The following BSDC1 variants were observed in gnomAD, a reference collection of about 807,000 sequenced individuals.
BSDC1 encodes the protein BSD domain-containing protein 1.
In BSDC1, 29 loss-of-function variants were observed where a neutral mutation model predicts 56.0. That is an observed-to-expected ratio of 0.52 (90% CI 0.39 to 0.71). BSDC1 has a LOEUF of 0.71. Among genes scored for constraint, BSDC1 ranks in the 30% least tolerant of loss-of-function variants. The pLI, the probability that BSDC1 is intolerant of heterozygous loss-of-function variation, is 0.00. For missense variants in BSDC1, 477 were observed against 548.5 expected (o/e 0.87, Z 1.30); for synonymous variants, 210 against 215.3 (o/e 0.98, Z 0.21).
chr1:32,368,643 G>T (rs1641946723), intron 9 of BSDC1, 93 bp from the exon 10 acceptor site: 10 of 1,544,446 alleles, frequency 6.5e-6, no homozygotes, highest in Admixed American at 3.8e-5. Context: ...GCTTCAAAAG[G>T]GTCTCACAAA....
At chr1:32,369,078 T>C (rs1641971172) in intron 9 of BSDC1, 3 of 363,276 alleles carry the variant, frequency 8.3e-6, no homozygotes, top group Middle Eastern at 3.9e-4. Context: ...TGCAGTGCTG[T>C]CATAGTGATG....
At chr1:32,381,141 A>C (rs1642464649) in intron 5 of BSDC1, 73 bp downstream of exon 5, 1 of 1,509,610 alleles carries the variant, frequency 6.6e-7, no homozygotes, top group African/African-American at 1.4e-5. Flanking sequence ...TACCTGAGAC[A>C]AACAGGGTCT....
intron 4 of BSDC1, among the ~76,000 whole-genome samples, chr1:32,381,707 T>C (rs1310181409): frequency 6.6e-6 from 1 of 152,236 alleles, no homozygotes; most frequent in Admixed American, 6.5e-5. Flanking sequence ...ACGTTCCCAC[T>C]AGGATCACAG....
chr1:32,386,847 G>A lies in BSDC1; in HGVS notation c.121C>T (p.Gln41Ter), dbSNP rs1156867650. ...FMKRDLTEFTQVVQHDTACTI... is the reference protein window; with the variant it reads ...FMKRDLTEFT Reference sequence around the variant, plus strand: ...CAGGCCGTGTCATGCTGCACCACCTGGGTAAACTCCGTCAGGTCCCGCTTC... The same window carrying A: ...CAGGCCGTGTCATGCTGCACCACCTAGGTAAACTCCGTCAGGTCCCGCTTC... Residue 41 changes from glutamine to a stop codon, truncating the protein, a stop_gained, in exon 3 of 11, where the codon CAG (glutamine) becomes TAG (stop). Coordinates refer to ENST00000455895, the MANE Select transcript of BSDC1 (RefSeq NM_018045.8). LOFTEE classifies it high-confidence loss of function. 6.2e-7 allele frequency: 1 copy of A among 1,612,242 alleles called. No individual in the cohort carries two copies. The highest frequency in any genetic ancestry group is 8.5e-7 in the Non-Finnish European group (1 of 1,180,034).
At position 32,376,551 on chromosome 1, in the gene BSDC1, G is replaced by A. The variant is rs137963263; in HGVS notation, c.867C>T (p.Ile289=). Residue 289 remains isoleucine (I), a synonymous_variant, in exon 9 of 11, where the codon ATC becomes ATT. Transcript: ENST00000455895. ...SSESISLVTQ[I]ANPATAPEAR... is the part of the protein sequence containing the mutation. ...CCTCAGGTGCAGTGGCCGGGTTGGCGATCTGTGTCACGAGGGAGATGCTCT... is the reference window on the plus strand; with the variant it reads ...CCTCAGGTGCAGTGGCCGGGTTGGCAATCTGTGTCACGAGGGAGATGCTCT... 1.1e-3 allele frequency: 1,772 copies of A among 1,552,310 alleles called. No homozygotes were observed. The highest frequency in any genetic ancestry group is 1.5e-3 in the Non-Finnish European group (1,704 of 1,140,628).
Position 32,378,590 on chromosome 1 carries a change from A to C in BSDC1, c.528+134T>G. 1 of 691,378 alleles carries C rather than the reference A, an allele frequency of 1.4e-6. No individual in the cohort carries two copies. Among genetic ancestry groups the C allele is most frequent in the South Asian group, 2.0e-5 (1 of 49,628 alleles). The allele number at this position is 691,378 out of a possible 1,614,324, so 42.8% of individuals were successfully genotyped here. A position where few individuals can be genotyped will look rare whatever the true frequency, so the allele number is the denominator to read the frequency against. ...CATGTGGGGTCTTGGCTCAGGACAC[A>C]GCTGGTCTGGCTCTATGGAGCCTCC... On this transcript the variant is annotated intron_variant, in intron 6 of 10. Coordinates refer to ENST00000455895, the MANE Select transcript of BSDC1 (RefSeq NM_018045.8). This position sits in a 1 kb window ranked among gnomAD's most constrained non-coding sequence, Gnocchi z 5.2.
intron 10 of BSDC1, 66 bp downstream of exon 10, chr1:32,368,381 C>G (rs769517478): frequency 1.2e-6 from 2 of 1,614,162 alleles, no homozygotes; most frequent in Non-Finnish European, 8.5e-7. Flanking sequence ...GCTGGGCTGG[C>G]TGGGGAGAGC....
At chr1:32,367,234 T>C in intron 10 of BSDC1, 6 of 985,494 alleles carry the variant, frequency 6.1e-6, no homozygotes, top group Non-Finnish European at 7.2e-6. Context: ...TTTCTTGCTT[T>C]GTTCCTACTC....
At chr1:32,387,845 T>C (rs1642726511) in intron 2 of BSDC1, among the ~76,000 whole-genome samples, 1 of 152,192 alleles carries the variant, frequency 6.6e-6, no homozygotes, top group Non-Finnish European at 1.5e-5. Flanking sequence ...TAAAAAGGCA[T>C]GTGATTTTTT....
intron 9 of BSDC1, among the ~76,000 whole-genome samples, chr1:32,374,114 A>G (rs977101237): frequency 3.9e-5 from 6 of 152,214 alleles, no homozygotes; most frequent in African/African-American, 1.4e-4. Context: ...GGTTCCTACC[A>G]CTAGAAATAT....
At chr1:32,393,939 G>T in intron 2 of BSDC1, 141 bp downstream of exon 2, 1 of 723,920 alleles carries the variant, frequency 1.4e-6, no homozygotes, top group Non-Finnish European at 2.3e-6. Flanking sequence ...CCGTGGACCG[G>T]TAGAGGCTAA....
intron 2 of BSDC1, among the ~76,000 whole-genome samples, chr1:32,390,694 T>C (rs990953597): frequency 1.3e-5 from 2 of 152,120 alleles, no homozygotes; most frequent in Non-Finnish European, 2.9e-5. Flanking sequence ...GCAGACTGCT[T>C]GAGCCTAGGG....
In BSDC1 at chr1:32,378,787, C is replaced by A; in HGVS notation, c.465G>T (p.Lys155Asn). ...AWLSQFCLEE[K>N]KGEISELLVG... The stretch of plus-strand genomic sequence containing the variant: ...CAAGGAGCTCTGAGATCTCCCCCTT[C>A]TTCTCCTCCAAGCAGAACTGGGAAA... Residue 155 changes from lysine to asparagine, a missense_variant, in exon 6 of 11, where the codon AAG (lysine) becomes AAT (asparagine). Lys to Asn is a moderately conservative substitution (Grantham distance 94). Transcript: ENST00000455895. The surrounding 1 kb of genome is among the most constrained non-coding windows in gnomAD (Gnocchi z 5.2). 6.4e-7 allele frequency: 1 copy of A among 1,554,380 alleles called. No homozygotes were observed. Among genetic ancestry groups the A allele is most frequent in the East Asian group, 2.4e-5 (1 of 41,322 alleles).
chr1:32,385,581 G>A (rs1415402676), intron 3 of BSDC1, among the ~76,000 whole-genome samples: 1 of 152,042 alleles, frequency 6.6e-6, no homozygotes. Context: ...ACAAAAATTA[G>A]CTGGGTGTGG....
In BSDC1 at chr1:32,366,357, T is replaced by C. The variant is rs187991738; in HGVS notation, c.*265A>G. On this transcript the variant is annotated 3_prime_UTR_variant, in exon 11 of 11. Coordinates refer to ENST00000455895, the MANE Select transcript of BSDC1 (RefSeq NM_018045.8). ...GTGTTCAGCAGAAAAACACAGGCTC[T>C]TCTGGTGAGGAGGATAGGTTTCCTC... 2.7e-5 allele frequency: 18 copies of C among 667,946 alleles called. No homozygotes were observed. Among genetic ancestry groups the C allele is most frequent in the East Asian group, 2.5e-4 (9 of 35,588 alleles). 41.4% of individuals were successfully genotyped at this position (667,946 alleles called of 1,614,324 possible).
chr1:32,390,376 G>A (rs748924490), intron 2 of BSDC1, among the ~76,000 whole-genome samples: 15 of 152,236 alleles, frequency 9.9e-5, no homozygotes, highest in Non-Finnish European at 2.1e-4. Flanking sequence ...AGATACAGGA[G>A]ATGGAAGAAG....
intron 10 of BSDC1, chr1:32,368,032 CT>C (rs74259836): frequency 0.082 from 70,719 of 861,082 alleles, 3 homozygotes; most frequent in South Asian, 0.098. Context: ...TTCTTTTTTC[CT>C]TTTTTTTTTT....
intron 8 of BSDC1, 137 bp downstream of exon 8, chr1:32,377,833 C>A: frequency 1.4e-6 from 1 of 697,886 alleles, no homozygotes; most frequent in Non-Finnish European, 2.3e-6. Context: ...CTCCGCCTAT[C>A]CTCACACATA....
At position 32,376,431 on chromosome 1, in the gene BSDC1, T is replaced by C. The variant is rs199507469; in HGVS notation, c.987A>G (p.Ser329=). The change falls in exon 9 of 11, where the codon TCA becomes TCG. Residue 329 remains serine (S), a synonymous_variant. Coordinates refer to ENST00000455895, the MANE Select transcript of BSDC1 (RefSeq NM_018045.8). The stretch of plus-strand genomic sequence containing the variant: ...TTAGGGGCTTGGAGTGAATAGGGGG[T>C]GAGGGTCCAGTCTCACCCACATCCA... The part of the protein sequence containing the change: ...LAVDVGETGP[S]PPIHSKPLTP... 32 of 1,611,602 alleles carry C rather than the reference T, an allele frequency of 2.0e-5. No individual in the cohort carries two copies. Among genetic ancestry groups the C allele is most frequent in the Non-Finnish European group, 2.6e-5 (31 of 1,178,596 alleles).
Sources: allele counts gnomAD v4.1 joint callset (sites outside exome capture counted in the v4.1 genomes callset), GRCh38; gene constraint gnomAD v4.1.1; non-coding constraint Gnocchi (gnomAD v3.1); transcripts MANE v1.5; gene names NCBI Gene and HGNC (gene_info 2026-07-23, HGNC 2026-07-21).